The following EPHA4 variants were observed in gnomAD, a reference collection of about 807,000 sequenced individuals.
The protein encoded by EPHA4 is EPH receptor A4.
Under a neutral mutation model 108.3 loss-of-function variants are expected in EPHA4, and 19 were observed. The observed-to-expected ratio is 0.18, with a 90% CI of 0.12 to 0.26. The LOEUF (loss-of-function observed/expected upper bound fraction) is 0.26, where lower values mean the gene tolerates loss of function less well. Among genes scored for constraint, EPHA4 ranks in the 10% least tolerant of loss-of-function variants. The probability of loss-of-function intolerance (pLI) is 1.00; values close to 1 mark genes in which losing one functional copy is unlikely to be tolerated. For missense variants in EPHA4, 917 were observed against 1,254.0 expected (o/e 0.73, Z 4.06); for synonymous variants, 449 against 455.5 (o/e 0.99, Z 0.18).
intron 4 of EPHA4, 105 bp downstream of exon 4, chr2:221,500,912 A>T: frequency 8.2e-7 from 1 of 1,214,332 alleles, no homozygotes; most frequent in Non-Finnish European, 1.1e-6. Flanking sequence ...TTTGATCTCA[A>T]GTGCCCCCTG....
Position 221,425,994 on chromosome 2 carries a change from A to T in EPHA4, c.*34T>A. The stretch of plus-strand genomic sequence containing the variant: ...TTAAAGTGCATGGATGAGGTAAACT[A>T]ATTTCAAGAGTTTTGAGTTTATTCA... On this transcript the variant is annotated 3_prime_UTR_variant, in exon 17 of 18. Coordinates refer to ENST00000281821, the MANE Select transcript of EPHA4 (RefSeq NM_004438.5). 6.4e-7 allele frequency: 1 copy of T among 1,573,674 alleles called. No individual in the cohort carries two copies. The highest frequency in any genetic ancestry group is 1.3e-5 in the African/African-American group (1 of 74,182).
intron 5 of EPHA4, among the ~76,000 whole-genome samples, chr2:221,468,323 T>C (rs913531883): frequency 1.3e-5 from 2 of 151,846 alleles, no homozygotes; most frequent in Admixed American, 1.3e-4. Flanking sequence ...TGGAGAACAA[T>C]GTAAGGAAAA....
At chr2:221,511,835 T>C (rs1170521943) in intron 3 of EPHA4, among the ~76,000 whole-genome samples, 2 of 152,230 alleles carry the variant, frequency 1.3e-5, no homozygotes, top group African/African-American at 4.8e-5. Context: ...TAAAGATCCC[T>C]TATTCTTATT....
At chr2:221,451,007 G>A (rs1412792705) in intron 8 of EPHA4, among the ~76,000 whole-genome samples, 6 of 152,162 alleles carry the variant, frequency 3.9e-5, no homozygotes, top group Non-Finnish European at 8.8e-5. Flanking sequence ...TGAGGTCAGG[G>A]GTTTGAGACC....
chr2:221,519,057 C>A (rs1693080418), intron 3 of EPHA4, among the ~76,000 whole-genome samples: 1 of 152,052 alleles, frequency 6.6e-6, no homozygotes, highest in Non-Finnish European at 1.5e-5. Flanking sequence ...TCAAAGGCAG[C>A]CTTGGGAGCT....
chr2:221,469,754 G>A (rs181277708), intron 5 of EPHA4, among the ~76,000 whole-genome samples: 141 of 152,230 alleles, frequency 9.3e-4, no homozygotes, highest in African/African-American at 2.5e-3. Flanking sequence ...CCAAATGGCC[G>A]GGCCTTGGAC....
chr2:221,426,223 C>T (rs747883847), intron 16 of EPHA4, 81 bp from the exon 17 acceptor site: 10 of 1,298,146 alleles, frequency 7.7e-6, no homozygotes, highest in South Asian at 3.6e-5. Context: ...TGCAGACACA[C>T]GTTTGAATCA....
chr2:221,509,502 G>A (rs747457830), intron 3 of EPHA4, among the ~76,000 whole-genome samples: 44 of 152,196 alleles, frequency 2.9e-4, no homozygotes, highest in Non-Finnish European at 5.6e-4. Context: ...ATTCAGAAAA[G>A]ATGTACTGAG....
At chr2:221,530,303 G>A (rs2106182303) in intron 3 of EPHA4, among the ~76,000 whole-genome samples, 1 of 152,230 alleles carries the variant, frequency 6.6e-6, no homozygotes, top group African/African-American at 2.4e-5. Flanking sequence ...AAACATTAAG[G>A]CAAAGAGACT....
intron 5 of EPHA4, among the ~76,000 whole-genome samples, chr2:221,479,372 T>C (rs554481095): frequency 6.6e-6 from 1 of 152,308 alleles, no homozygotes; most frequent in African/African-American, 2.4e-5. Flanking sequence ...ATTGATTTGA[T>C]TTATCATTTC....
At chr2:221,436,981 G>T in intron 12 of EPHA4, 80 bp downstream of exon 12, 2 of 1,055,152 alleles carry the variant, frequency 1.9e-6, no homozygotes, top group Non-Finnish European at 2.9e-6. Context: ...GAATACCACC[G>T]AACACAACAA....
intron 5 of EPHA4, among the ~76,000 whole-genome samples, chr2:221,479,944 A>T (rs1353716253): frequency 6.6e-6 from 1 of 152,220 alleles, no homozygotes; most frequent in Non-Finnish European, 1.5e-5. Flanking sequence ...GCAGGACTAC[A>T]TGCCATGGCA....
At chr2:221,477,868 C>T (rs1006093007) in intron 5 of EPHA4, among the ~76,000 whole-genome samples, 2 of 152,112 alleles carry the variant, frequency 1.3e-5, no homozygotes, top group Non-Finnish European at 2.9e-5. Context: ...TAAATAATTA[C>T]GTAATGCATC....
intron 3 of EPHA4, among the ~76,000 whole-genome samples, chr2:221,556,061 G>C (rs1421533504): frequency 6.6e-6 from 1 of 152,100 alleles, no homozygotes; most frequent in Non-Finnish European, 1.5e-5. Flanking sequence ...CCTCAGAACC[G>C]AACTCTCAAA....
At chr2:221,425,153 A>G (rs1689861099) in intron 17 of EPHA4, 56 bp downstream of exon 17, 1 of 150,156 alleles carries the variant, frequency 6.7e-6, no homozygotes, top group Non-Finnish European at 1.5e-5. Flanking sequence ...GATCAAGTTT[A>G]AAGCACAAAA....
At chr2:221,517,235 G>A (rs570847671) in intron 3 of EPHA4, among the ~76,000 whole-genome samples, 3 of 152,288 alleles carry the variant, frequency 2.0e-5, no homozygotes, top group Admixed American at 1.3e-4. Flanking sequence ...ACATGGGAAA[G>A]CATGCCAGGA....
At chr2:221,426,889 G>A (rs1689928521) in intron 15 of EPHA4, among the ~76,000 whole-genome samples, 1 of 152,164 alleles carries the variant, frequency 6.6e-6, no homozygotes, top group Non-Finnish European at 1.5e-5. Context: ...CTCATAGCAG[G>A]TCTTTTAACA....
At chr2:221,443,080 A>T in intron 10 of EPHA4, 66 bp from the exon 11 acceptor site, 1 of 1,508,134 alleles carries the variant, frequency 6.6e-7, no homozygotes, top group East Asian at 2.3e-5. Flanking sequence ...ATAACAGCTA[A>T]CATTCCTTGA....
rs1689699025 is a variant in EPHA4 at position 221,419,846 on chromosome 2, A to T, written c.*1526T>A. 1 of 152,570 alleles carries T rather than the reference A, an allele frequency of 6.6e-6. No homozygotes were observed. The highest frequency in any genetic ancestry group is 6.5e-5 in the Admixed American group (1 of 15,268). The allele number at this position is 152,570 out of a possible 1,614,324, so 9.5% of individuals were successfully genotyped here. On this transcript the variant is annotated 3_prime_UTR_variant, in exon 18 of 18. Coordinates refer to ENST00000281821, the MANE Select transcript of EPHA4 (RefSeq NM_004438.5). ...GGTCCACTGTATCATGTAGTTCTTC[A>T]TCTTGAAACTGGTGGAAAACCAGAA... is the stretch of plus-strand genomic sequence containing the variant.
Sources: allele counts gnomAD v4.1 joint callset (sites outside exome capture counted in the v4.1 genomes callset), GRCh38; gene constraint gnomAD v4.1.1; transcripts MANE v1.5; gene names NCBI Gene and HGNC (gene_info 2026-07-23, HGNC 2026-07-21).